CWC27: variants seen among roughly 807,000 people sequenced by gnomAD.
The protein encoded by CWC27 is CWC27 spliceosome associated cyclophilin, also known as spliceosome-associated protein CWC27 homolog.
Under a neutral mutation model 63.6 loss-of-function variants are expected in CWC27, and 47 were observed. The ratio of observed to expected loss-of-function variants is 0.74; its 90% CI spans 0.58 to 0.94. CWC27 has a LOEUF of 0.94. Ranked by LOEUF, CWC27 falls within the 40% of genes least tolerant of loss-of-function variation. The pLI is 0.00. For synonymous variants in CWC27, 175 were observed against 179.8 expected (o/e 0.97, Z 0.22); for missense variants, 495 against 554.3 (o/e 0.89, Z 1.07).
At chr5:64,939,234 T>C (rs1371995076) in intron 11 of CWC27, among the ~76,000 whole-genome samples, 2 of 152,230 alleles carry the variant, frequency 1.3e-5, no homozygotes, top group African/African-American at 2.4e-5. Context: ...TTTTTCCTCA[T>C]CTTCCTGGAT....
At chr5:64,778,668 T>C (rs1743545816) in intron 2 of CWC27, among the ~76,000 whole-genome samples, 1 of 152,222 alleles carries the variant, frequency 6.6e-6, no homozygotes, top group South Asian at 2.1e-4. Context: ...AGTTTAAGAC[T>C]GTATAGCTAG....
At chr5:64,914,959 A>C (rs1461218416) in intron 11 of CWC27, among the ~76,000 whole-genome samples, 3 of 152,198 alleles carry the variant, frequency 2.0e-5, no homozygotes, top group Non-Finnish European at 4.4e-5. Flanking sequence ...GATAAATCTT[A>C]CAAACATAAA....
At chr5:64,921,030 G>A (rs1747986855) in intron 11 of CWC27, among the ~76,000 whole-genome samples, 1 of 151,994 alleles carries the variant, frequency 6.6e-6, no homozygotes, top group African/African-American at 2.4e-5. Flanking sequence ...TAGGTACAAT[G>A]TTACGTTATG....
At chr5:64,957,776 T>A (rs1748830876) in intron 11 of CWC27, among the ~76,000 whole-genome samples, 1 of 152,162 alleles carries the variant, frequency 6.6e-6, no homozygotes. Flanking sequence ...GGGTTAACCC[T>A]GCTCCTCAAG....
At chr5:64,862,505 A>G (rs1746434826) in intron 10 of CWC27, among the ~76,000 whole-genome samples, 1 of 152,182 alleles carries the variant, frequency 6.6e-6, no homozygotes, top group Non-Finnish European at 1.5e-5. Context: ...ACCACTAAAA[A>G]TATGAATATG....
chr5:64,836,346 C>T (rs1580657965), intron 10 of CWC27, among the ~76,000 whole-genome samples: 2 of 151,890 alleles, frequency 1.3e-5, no homozygotes, highest in Admixed American at 6.6e-5. Context: ...GCACAAATAG[C>T]ACTGATTGCC....
intron 13 of CWC27, among the ~76,000 whole-genome samples, chr5:64,988,606 T>TC (rs949455829): frequency 7.3e-5 from 11 of 151,142 alleles, no homozygotes; most frequent in African/African-American, 2.7e-4. Context: ...TAGACTATTT[T>TC]TTTTTTTTTT....
At chr5:65,011,281 G>T (rs1327754010) in intron 13 of CWC27, among the ~76,000 whole-genome samples, 1 of 152,182 alleles carries the variant, frequency 6.6e-6, no homozygotes, top group Non-Finnish European at 1.5e-5. Flanking sequence ...CCTAGTAAGG[G>T]AGACAGCAGT....
intron 10 of CWC27, among the ~76,000 whole-genome samples, chr5:64,849,258 G>A (rs1363061675): frequency 6.6e-6 from 1 of 150,812 alleles, no homozygotes; most frequent in Non-Finnish European, 1.5e-5. Flanking sequence ...AAGAAATTAG[G>A]AATAAATTTA....
intron 2 of CWC27, among the ~76,000 whole-genome samples, chr5:64,778,545 G>A (rs1743541521): frequency 6.6e-6 from 1 of 152,160 alleles, no homozygotes; most frequent in Non-Finnish European, 1.5e-5. Context: ...GAAGATATTA[G>A]TTTGACCTCA....
intron 11 of CWC27, among the ~76,000 whole-genome samples, chr5:64,928,799 G>A (rs1748172176): frequency 6.6e-6 from 1 of 152,116 alleles, no homozygotes; most frequent in Non-Finnish European, 1.5e-5. Flanking sequence ...GGAAAGGAAA[G>A]AGAAACTAAA....
intron 10 of CWC27, among the ~76,000 whole-genome samples, chr5:64,830,266 C>A (rs1450532022): frequency 2.0e-5 from 3 of 151,530 alleles, no homozygotes; most frequent in African/African-American, 7.3e-5. Context: ...TGAGAACATG[C>A]AGTATTTGGT....
intron 13 of CWC27, among the ~76,000 whole-genome samples, chr5:65,004,861 CATATATATATATATAT>C (rs1170127729): frequency 0.011 from 495 of 45,472 alleles, 7 homozygotes; most frequent in African/African-American, 0.017. Flanking sequence ...AAGACTTTTT[CATATATATATATATAT>C]ATATATATAT....
chr5:64,777,291 A>T (rs926681301), intron 2 of CWC27, among the ~76,000 whole-genome samples: 24 of 152,122 alleles, frequency 1.6e-4, no homozygotes, highest in African/African-American at 5.5e-4. Context: ...TAGAGTGACA[A>T]ATATAAGCAT....
At chr5:64,773,567 C>T (rs572545900) in intron 1 of CWC27, among the ~76,000 whole-genome samples, 1 of 152,168 alleles carries the variant, frequency 6.6e-6, no homozygotes, top group South Asian at 2.1e-4. Flanking sequence ...TGTTTTTGAA[C>T]AGTTATATTG....
At chr5:64,829,491 A>G (rs1166194118) in intron 10 of CWC27, among the ~76,000 whole-genome samples, 1 of 152,140 alleles carries the variant, frequency 6.6e-6, no homozygotes, top group African/African-American at 2.4e-5. Context: ...TTGTATACAT[A>G]TACAAATGTG....
chr5:64,896,413 A>T (rs1405294454), intron 11 of CWC27, among the ~76,000 whole-genome samples: 1 of 152,216 alleles, frequency 6.6e-6, no homozygotes. Flanking sequence ...TTGAAGGAAT[A>T]AAACAATGAT....
Position 64,778,555 on chromosome 5 carries a change from A to T in CWC27, c.140-3366A>T, listed in dbSNP as rs531576773. ...TGAGTGAAGATATTAGTTTGACCTC[A>T]CATTTGTGTTGAACTTGAAAATGTG... On this transcript the variant is annotated intron_variant, in intron 2 of 13. Transcript: ENST00000381070. Among the ~76,000 whole-genome samples the T allele has an allele frequency of 2.0e-5, 3 of 152,292 alleles. No homozygotes were observed. The East Asian group carries it at 5.8e-4, about 29-fold the overall frequency.
chr5:64,951,467 T>C (rs1748707429), intron 11 of CWC27, among the ~76,000 whole-genome samples: 1 of 151,996 alleles, frequency 6.6e-6, no homozygotes, highest in South Asian at 2.1e-4. Flanking sequence ...AAGTCCTTTA[T>C]CAGATAAATG....
Sources: allele counts gnomAD v4.1 joint callset (sites outside exome capture counted in the v4.1 genomes callset), GRCh38; gene constraint gnomAD v4.1.1; transcripts MANE v1.5; gene names NCBI Gene and HGNC (gene_info 2026-07-23, HGNC 2026-07-21).